Variants in SASH1 observed in about 807,000 individuals in gnomAD.
SASH1 encodes the protein SAM and SH3 domain containing 1.
SASH1 carries 44 observed loss-of-function variants against 125.2 expected under a neutral mutation model. That is an observed-to-expected ratio of 0.35 (90% CI 0.28 to 0.45). The LOEUF (loss-of-function observed/expected upper bound fraction) is 0.45. Ranked by LOEUF, SASH1 falls within the 20% of genes least tolerant of loss-of-function variation. The probability of loss-of-function intolerance (pLI) is 1.00; values close to 1 mark genes in which losing one functional copy is unlikely to be tolerated. For synonymous variants in SASH1, 639 were observed against 649.1 expected (o/e 0.98, Z 0.24); for missense variants, 1,426 against 1,614.5 (o/e 0.88, Z 2.00).
rs1240684001 is a variant in SASH1, at chr6:148,421,138, GAAGGAAGGAAGAAAGAAAGAAAGA to G, written c.286-19042_286-19019del. On this transcript the variant is annotated intron_variant, in intron 2 of 19. Transcript: ENST00000367467. The stretch of plus-strand genomic sequence containing the variant: ...AAAAGAAAGGAAGAAAGGAAGGAAG[GAAGGAAGGAAGAAAGAAAGAAAGA>G]AAGAAAGAAAGAAAGAAAGAAAGAA... Among the ~76,000 whole-genome samples, 225 of 54,136 alleles carry G rather than the reference GAAGGAAGGAAGAAAGAAAGAAAGA, an allele frequency of 4.2e-3. 1 individual carries two copies. The highest frequency in any genetic ancestry group is 7.1e-3 in the African/African-American group (109 of 15,420). The allele number at this position is 54,136 out of a possible 152,430, so 35.5% of individuals were successfully genotyped here.
intron 4 of SASH1, among the ~76,000 whole-genome samples, chr6:148,453,407 C>T (rs1176074476): frequency 6.6e-6 from 1 of 152,186 alleles, no homozygotes; most frequent in Non-Finnish European, 1.5e-5. Flanking sequence ...TTAGTGCGTG[C>T]TCCCTGCATG....
chr6:148,498,873 C>T (rs756171159), intron 8 of SASH1, among the ~76,000 whole-genome samples: 6 of 152,036 alleles, frequency 3.9e-5, no homozygotes, highest in Non-Finnish European at 5.9e-5. Flanking sequence ...GCCCTAGCGC[C>T]GGTCCTTATT....
At chr6:148,331,361 ACT>A (rs781233270) in intron 1 of SASH1, among the ~76,000 whole-genome samples, 59 of 152,050 alleles carry the variant, frequency 3.9e-4, no homozygotes, top group Non-Finnish European at 7.5e-4. Context: ...CTGGAGTCTC[ACT>A]CTGTCACCCA....
chr6:148,226,192 G>A, the SASH1 span, among the ~76,000 whole-genome samples: 2 of 152,078 alleles, frequency 1.3e-5, no homozygotes, highest in African/African-American at 4.8e-5. Context: ...AGAACTTAAA[G>A]AAAAATGGTT....
chr6:148,531,533 G>T lies in SASH1; in HGVS notation c.1436G>T (p.Gly479Val), dbSNP rs752042634. The change falls in exon 13 of 20, where the codon GGC becomes GTC. Residue 479 changes from glycine (G) to valine (V), a missense_variant. Physicochemically the swap from Gly to Val is moderately radical, Grantham distance 109. Around this residue, in one of 3 missense-constraint regions of SASH1, gnomAD observed 225 missense variants for 344.5 expected, o/e 0.65. Transcript: ENST00000367467. ...YSSSVSEQDSGLDGMPGSPPP... is the reference protein window; with the variant it reads ...YSSSVSEQDSVLDGMPGSPPP... ...TGTTGAAACCCATGGCAGGACTCGG[G>T]CCTTGATGGAATGCCTGGCTCCCCT... 7.8e-6 allele frequency: 12 copies of T among 1,541,038 alleles called. No individual in the cohort carries two copies. In the South Asian group the frequency reaches 1.0e-4, roughly 13 times the overall value.
intron 2 of SASH1, among the ~76,000 whole-genome samples, chr6:148,399,107 A>G (rs1270903108): frequency 6.7e-6 from 1 of 149,286 alleles, no homozygotes; most frequent in Admixed American, 6.9e-5. Context: ...ACCTTTGCAG[A>G]CTGTTTGTGC....
At chr6:148,547,788 T>C (rs1025414036) in intron 19 of SASH1, among the ~76,000 whole-genome samples, 1 of 152,212 alleles carries the variant, frequency 6.6e-6, no homozygotes, top group East Asian at 1.9e-4. Context: ...CACTTCCCTG[T>C]TCCAGCCAAC....
At chr6:148,234,829 G>GA in the SASH1 span, among the ~76,000 whole-genome samples, 10,187 of 128,816 alleles carry the variant, frequency 0.079, 365 homozygotes, top group Middle Eastern at 0.13. Flanking sequence ...CTCCGTTTCA[G>GA]AAAAAAAAAA....
intron 2 of SASH1, among the ~76,000 whole-genome samples, chr6:148,438,764 A>C (rs1325255133): frequency 8.6e-5 from 13 of 151,842 alleles, no homozygotes; most frequent in African/African-American, 2.9e-4. Flanking sequence ...AAACAAAAAA[A>C]AAAACCACGT....
At position 148,548,459 on chromosome 6, in the gene SASH1, T is replaced by G. The variant is rs1034868098; in HGVS notation, c.3645T>G (p.Thr1215=). 2.5e-6 allele frequency: 4 copies of G among 1,614,194 alleles called. No individual in the cohort carries two copies. Among genetic ancestry groups the G allele is most frequent in the Non-Finnish European group, 3.4e-6 (4 of 1,180,030 alleles). ...TLSQVPSLSH[T]CLQEAGITEE... ...GCCAAGTGCCTTCTCTGTCTCACAC[T>G]TGCCTTCAGGAGGCCGGCATCACAG... The change falls in exon 20 of 20, where the codon ACT becomes ACG. Residue 1215 remains threonine (T), a synonymous_variant. Coordinates refer to ENST00000367467, the MANE Select transcript of SASH1 (RefSeq NM_015278.5).
intron 2 of SASH1, among the ~76,000 whole-genome samples, chr6:148,424,777 G>A (rs1266807963): frequency 6.6e-6 from 1 of 152,140 alleles, no homozygotes; most frequent in African/African-American, 2.4e-5. Context: ...TCACCTGCAG[G>A]CCACTGAATC....
chr6:148,437,861 T>C (rs562684371), intron 2 of SASH1, among the ~76,000 whole-genome samples: 20 of 152,356 alleles, frequency 1.3e-4, no homozygotes, highest in Non-Finnish European at 2.9e-4. Flanking sequence ...GCAACTACTT[T>C]GTATGCAGGG....
At position 148,301,280 on chromosome 6, in the gene SASH1, C is replaced by T. The variant is rs1383055620; in HGVS notation, n.74+28903C>T. On this transcript the variant is annotated intron_variant and non_coding_transcript_variant, in intron 1 of 3. Coordinates refer to the SASH1 transcript ENST00000367469. ...GACAGAGGTTGCAGTGAGCCGAGAT[C>T]GTGCCATTGCACTCCAGCCTGGGCA... Among the ~76,000 whole-genome samples the T allele has an allele frequency of 2.1e-5, 3 of 141,744 alleles. No individual in the cohort carries two copies. In the East Asian group the frequency reaches 6.7e-4, roughly 32 times the overall value. 93.0% of individuals were successfully genotyped at this position (141,744 alleles called of 152,430 possible). A position where few individuals can be genotyped will look rare whatever the true frequency, so the allele number is the denominator to read the frequency against.
chr6:148,255,859 C>A, the SASH1 span, among the ~76,000 whole-genome samples: 2 of 152,100 alleles, frequency 1.3e-5, no homozygotes. Flanking sequence ...CCAGGCTAAT[C>A]TCGAACTCCT....
In SASH1 at chr6:148,440,164, T is replaced by C. The variant is rs1045689348; in HGVS notation, c.286-20T>C. 2 of 1,613,562 alleles carry C rather than the reference T, an allele frequency of 1.2e-6. No individual in the cohort carries two copies. Among genetic ancestry groups the C allele is most frequent in the Admixed American group, 1.7e-5 (1 of 60,018 alleles). ...GACATGTTTGGAAGTCCCGTTAAAC[T>C]GGCATCTGTTCTGTTTTAGGAGAAA... On this transcript the variant is annotated intron_variant, in intron 2 of 19. Transcript: ENST00000367467.
At chr6:148,365,365 A>C (rs1782406661) in intron 1 of SASH1, among the ~76,000 whole-genome samples, 1 of 151,544 alleles carries the variant, frequency 6.6e-6, no homozygotes. Context: ...GTATTTAGGA[A>C]GCCTGATGGC....
At chr6:148,440,471 C>T (rs1776499205) in intron 4 of SASH1, 64 bp downstream of exon 4, 16 of 1,376,654 alleles carry the variant, frequency 1.2e-5, no homozygotes, top group Middle Eastern at 2.4e-4. Flanking sequence ...TCCATGCTGA[C>T]GGAAATCAAA....
the SASH1 span, among the ~76,000 whole-genome samples, chr6:148,199,437 G>C: frequency 6.6e-6 from 1 of 151,630 alleles, no homozygotes; most frequent in African/African-American, 2.4e-5. Context: ...TCCTTTTAAG[G>C]ACTGTAGTTG....
At chr6:148,315,117 C>A (rs1394776817) in intron 1 of SASH1, among the ~76,000 whole-genome samples, 1 of 152,096 alleles carries the variant, frequency 6.6e-6, no homozygotes, top group African/African-American at 2.4e-5. Flanking sequence ...ATTAAATTAG[C>A]TACTATTTAT....
Sources: allele counts gnomAD v4.1 joint callset (sites outside exome capture counted in the v4.1 genomes callset), GRCh38; gene constraint gnomAD v4.1.1; regional missense constraint gnomAD v4.1.1; transcripts MANE v1.5; gene names NCBI Gene and HGNC (gene_info 2026-07-23, HGNC 2026-07-21).